Variants in HS2ST1 observed in about 807,000 individuals in gnomAD.
HS2ST1 encodes 2-O-sulfotransferase.
A neutral mutation model predicts 42.9 loss-of-function variants in HS2ST1; 18 were observed. The observed-to-expected ratio is 0.42, with a 90% CI of 0.29 to 0.62. The LOEUF (loss-of-function observed/expected upper bound fraction) is 0.62. Among genes scored for constraint, HS2ST1 ranks in the 20% least tolerant of loss-of-function variants. The pLI is 0.21. For synonymous variants in HS2ST1, 146 were observed against 152.9 expected, an observed-to-expected ratio of 0.95 and a Z score of 0.33; for missense variants, 334 against 433.8, an observed-to-expected ratio of 0.77 and a Z score of 2.04.
intron 1 of HS2ST1, among the ~76,000 whole-genome samples, chr1:87,001,901 C>A (rs965596078): frequency 4.0e-5 from 6 of 151,848 alleles, no homozygotes; most frequent in Non-Finnish European, 8.8e-5. Flanking sequence ...GTGTGAGCCA[C>A]CCCCATGCCA....
chr1:87,102,126 C>G (rs988945266), intron 5 of HS2ST1, among the ~76,000 whole-genome samples: 7 of 150,640 alleles, frequency 4.6e-5, no homozygotes, highest in Non-Finnish European at 1.0e-4. Flanking sequence ...GGTGTGATCT[C>G]GGCTCACCGC....
At chr1:87,026,647 T>A (rs892835410) in intron 1 of HS2ST1, among the ~76,000 whole-genome samples, 1 of 152,166 alleles carries the variant, frequency 6.6e-6, no homozygotes. Flanking sequence ...GTTACAAGGT[T>A]TAAATTCTAT....
At chr1:87,050,240 AG>A (rs1650798735) in intron 1 of HS2ST1, among the ~76,000 whole-genome samples, 1 of 152,026 alleles carries the variant, frequency 6.6e-6, no homozygotes, top group Admixed American at 6.5e-5. Context: ...CCTGATAATT[AG>A]TACATTATCT....
At chr1:87,058,776 C>T (rs998247323) in intron 1 of HS2ST1, among the ~76,000 whole-genome samples, 2 of 151,438 alleles carry the variant, frequency 1.3e-5, no homozygotes, top group African/African-American at 2.4e-5. Flanking sequence ...AAACATGAAC[C>T]GTTGGCTGGG....
At position 87,061,601 on chromosome 1, in the gene HS2ST1, A is replaced by G. The variant is rs371577520; in HGVS notation, c.125-11333A>G. On this transcript the variant is annotated intron_variant, in intron 1 of 6. Transcript: ENST00000370550. Reference sequence around the variant, plus strand: ...CCTTTCTATAGTTGCATAATATTCTATTGCTCTGTATATAGTACCACAATT... The same window carrying G: ...CCTTTCTATAGTTGCATAATATTCTGTTGCTCTGTATATAGTACCACAATT... Among the ~76,000 whole-genome samples the G allele has an allele frequency of 7.8e-4, 118 of 152,156 alleles. 1 individual carries two copies. Among genetic ancestry groups the G allele is most frequent in the African/African-American group, 2.6e-3 (109 of 41,512 alleles).
At chr1:87,033,839 C>T (rs1354876765) in intron 1 of HS2ST1, among the ~76,000 whole-genome samples, 3 of 152,150 alleles carry the variant, frequency 2.0e-5, no homozygotes, top group Non-Finnish European at 2.9e-5. Flanking sequence ...CCACCGCCCC[C>T]GGCCTTAAAG....
chr1:86,928,457 T>C (rs962725592), intron 1 of HS2ST1, among the ~76,000 whole-genome samples: 2 of 151,994 alleles, frequency 1.3e-5, no homozygotes, highest in Admixed American at 6.6e-5. Context: ...TTAAGATTCT[T>C]GATTTATATT....
chr1:87,027,835 T>C (rs1162334100), intron 1 of HS2ST1, among the ~76,000 whole-genome samples: 1 of 152,128 alleles, frequency 6.6e-6, no homozygotes, highest in East Asian at 1.9e-4. Context: ...ACAACAGGAA[T>C]GGGCCACCAC....
chr1:87,096,476 A>T (rs2100653108), intron 4 of HS2ST1, among the ~76,000 whole-genome samples: 1 of 152,298 alleles, frequency 6.6e-6, no homozygotes, highest in East Asian at 1.9e-4. Context: ...GTATTGGGAG[A>T]CTGTCAAGCT....
intron 1 of HS2ST1, among the ~76,000 whole-genome samples, chr1:86,976,868 C>G (rs1648426476): frequency 6.6e-6 from 1 of 150,986 alleles, no homozygotes; most frequent in Admixed American, 6.6e-5. Context: ...GCCAGAAGTT[C>G]CAGTCCAGCC....
At chr1:86,960,239 A>AAG (rs1553132952) in intron 1 of HS2ST1, among the ~76,000 whole-genome samples, 1 of 151,748 alleles carries the variant, frequency 6.6e-6, no homozygotes, top group East Asian at 1.9e-4. Flanking sequence ...AAAAAAAAAA[A>AAG]AAAAAGAATC....
chr1:86,960,794 T>C (rs1461714482), intron 1 of HS2ST1, among the ~76,000 whole-genome samples: 2 of 150,618 alleles, frequency 1.3e-5, no homozygotes, highest in African/African-American at 4.9e-5. Context: ...GTATGTGGAG[T>C]AATGGGAATT....
chr1:87,046,426 G>T, intron 1 of HS2ST1: 1 of 893,502 alleles, frequency 1.1e-6, no homozygotes, highest in Non-Finnish European at 1.9e-6. Context: ...CAAAGCCAGA[G>T]CTAGAACATT....
At chr1:86,962,167 A>C (rs1557495049) in intron 1 of HS2ST1, among the ~76,000 whole-genome samples, 1 of 152,206 alleles carries the variant, frequency 6.6e-6, no homozygotes, top group Non-Finnish European at 1.5e-5. Flanking sequence ...CAATAGTGGC[A>C]TGTTGCTAAA....
intron 1 of HS2ST1, among the ~76,000 whole-genome samples, chr1:87,067,895 T>C (rs1257985603): frequency 1.3e-5 from 2 of 152,220 alleles, no homozygotes; most frequent in Non-Finnish European, 2.9e-5. Flanking sequence ...TGGTGTTATT[T>C]CTGAGGCCTC....
chr1:86,926,462 C>T (rs924756594), intron 1 of HS2ST1, among the ~76,000 whole-genome samples: 1 of 151,440 alleles, frequency 6.6e-6, no homozygotes, highest in African/African-American at 2.5e-5. Context: ...AGCCTAGAAA[C>T]TCTCTCAGGC....
intron 1 of HS2ST1, among the ~76,000 whole-genome samples, chr1:86,937,719 A>G (rs767720219): frequency 6.6e-6 from 1 of 151,896 alleles, no homozygotes; most frequent in Non-Finnish European, 1.5e-5. Context: ...CTTTCCTTCT[A>G]CCTTATATAT....
chr1:87,029,799 A>T (rs375990372), intron 1 of HS2ST1, among the ~76,000 whole-genome samples: 1 of 152,186 alleles, frequency 6.6e-6, no homozygotes, highest in African/African-American at 2.4e-5. Flanking sequence ...ATTTATCCAG[A>T]TGAGGAAGTC....
chr1:87,028,463 C>G (rs1650143931), intron 1 of HS2ST1, among the ~76,000 whole-genome samples: 1 of 152,170 alleles, frequency 6.6e-6, no homozygotes, highest in African/African-American at 2.4e-5. Context: ...ACAAATAGCA[C>G]CATTTTCTTT....
Sources: gnomAD v4.1 joint callset for allele counts (sites outside exome capture counted in the v4.1 genomes callset) on GRCh38, gnomAD v4.1.1 for gene constraint, MANE v1.5 for transcripts, NCBI Gene and HGNC (gene_info 2026-07-23, HGNC 2026-07-21) for gene names.